Variants in UPK3BL2 observed in about 807,000 individuals in gnomAD.
UPK3BL2 encodes uroplakin-3b-like protein 2.
UPK3BL2 carries 1 observed loss-of-function variant against 11.3 expected under a neutral mutation model. That is an observed-to-expected ratio of 0.09 (90% CI 0.03 to 0.42). The LOEUF (loss-of-function observed/expected upper bound fraction) is 0.42, where lower values mean the gene tolerates loss of function less well. Among genes scored for constraint, UPK3BL2 ranks in the 10% least tolerant of loss-of-function variants. The probability of loss-of-function intolerance (pLI) is 0.98; values close to 1 mark genes in which losing one functional copy is unlikely to be tolerated.
At chr7:102,540,855 C>CAAAAAAAAACAAAAA (rs1800227070) in intron 3 of UPK3BL2, among the ~76,000 whole-genome samples, 1 of 61,246 alleles carries the variant, frequency 1.6e-5, no homozygotes, top group African/African-American at 4.8e-5. Flanking sequence ...AAAAACAAAA[C>CAAAAAAAAACAAAAA]AAAAAAAAAA....
chr7:102,542,331 C>T (rs1800307867), intron 1 of UPK3BL2: 1 of 978,782 alleles, frequency 1.0e-6, no homozygotes, highest in Non-Finnish European at 1.2e-6. Flanking sequence ...CTCTCAGACT[C>T]CCACCTCATC....
In UPK3BL2 at chr7:102,540,859, A is replaced by ACAAAAAAAAAC. The variant is rs1233258450; in HGVS notation, c.485+233_485+234insGTTTTTTTTTG. On this transcript the variant is annotated intron_variant, in intron 3 of 5. Coordinates refer to ENST00000644544, the Ensembl canonical transcript of UPK3BL2. ...ACTCCATCTCAAAAAACAAAACAAA[A>ACAAAAAAAAAC]AAAAAAAAAAAAAAAAAGAAGAAAA... Among the ~76,000 whole-genome samples, 10 of 113,894 alleles carry ACAAAAAAAAAC rather than the reference A, an allele frequency of 8.8e-5. No individual in the cohort carries two copies. In the East Asian group the frequency reaches 1.3e-3, roughly 15 times the overall value. 74.7% of individuals were successfully genotyped at this position (113,894 alleles called of 152,430 possible).
exon 6 of UPK3BL2, chr7:102,538,447 C>T (rs1284631954): frequency 1.9e-5 from 3 of 154,888 alleles, no homozygotes; most frequent in Admixed American, 1.6e-4. Context: ...GAGTGCTGAA[C>T]GCGAGGTGCG....
chr7:102,543,294 CT>C (rs1800350439), intron 1 of UPK3BL2, among the ~76,000 whole-genome samples: 1 of 133,750 alleles, frequency 7.5e-6, no homozygotes, highest in African/African-American at 2.6e-5. Flanking sequence ...AAACAAAAAT[CT>C]TAAAAAAAAA....
chr7:102,540,743 C>G (rs1215959818), intron 3 of UPK3BL2, among the ~76,000 whole-genome samples: 4 of 151,450 alleles, frequency 2.6e-5, no homozygotes, highest in African/African-American at 9.7e-5. Flanking sequence ...ACTCGTTAGG[C>G]TGAGGCTGGA....
At position 102,540,336 on chromosome 7, in the gene UPK3BL2, G is replaced by A. The variant is rs1195677261; in HGVS notation, c.486-245C>T. 4.9e-5 allele frequency among the ~76,000 whole-genome samples: 4 copies of A among 80,982 alleles called. No homozygotes were observed. In the Admixed American group the frequency reaches 5.5e-4, roughly 11 times the overall value. The allele number at this position is 80,982 out of a possible 152,430, so 53.1% of individuals were successfully genotyped here. A position where few individuals can be genotyped will look rare whatever the true frequency, so the allele number is the denominator to read the frequency against. ...TCCTCATTTGGGAAAGGTAGAGGGC[G>A]AGTATTAGATGTCTCAGAACTGAAC... On this transcript the variant is annotated intron_variant, in intron 3 of 5. Transcript: ENST00000644544.
rs1362472704 is a variant in UPK3BL2 at position 102,542,793 on chromosome 7, T to C, written c.112+732A>G. ...GGCGGGCATATCACGAGGTCAGGAG[T>C]TCGAGACCAGACTGGCCAATATGGT... On this transcript the variant is annotated intron_variant, in intron 1 of 5. Coordinates refer to ENST00000644544, the Ensembl canonical transcript of UPK3BL2. 1.4e-5 allele frequency: 5 copies of C among 361,162 alleles called. No individual in the cohort carries two copies. In the East Asian group the frequency reaches 8.6e-4, roughly 62 times the overall value. 22.4% of individuals were successfully genotyped at this position (361,162 alleles called of 1,614,324 possible).
chr7:102,540,855 C>CAAAAAAAAACAAAAAAAAA (rs1800227070), intron 3 of UPK3BL2, among the ~76,000 whole-genome samples: 3 of 61,260 alleles, frequency 4.9e-5, no homozygotes, highest in African/African-American at 1.4e-4. Flanking sequence ...AAAAACAAAA[C>CAAAAAAAAACAAAAAAAAA]AAAAAAAAAA....
At chr7:102,540,872 A>AAT (rs1563689733) in intron 3 of UPK3BL2, among the ~76,000 whole-genome samples, 31 of 130,072 alleles carry the variant, frequency 2.4e-4, no homozygotes, top group African/African-American at 9.1e-4. Flanking sequence ...AAAAAAAAAA[A>AAT]AAAAGAAGAA....
In UPK3BL2 at chr7:102,540,014, C is replaced by T; in HGVS notation, c.562+1G>A. 3.9e-6 allele frequency: 5 copies of T among 1,267,776 alleles called. 2 individuals carry two copies. The highest frequency in any genetic ancestry group is 3.2e-6 in the Non-Finnish European group (3 of 923,140). The allele number at this position is 1,267,776 out of a possible 1,614,324, so 78.5% of individuals were successfully genotyped here. On this transcript the variant is annotated splice_donor_variant, in intron 4 of 5. Transcript: ENST00000644544. LOFTEE classifies it high-confidence loss of function. ...GTTTGACCGGAGCCTCTGGCCCCTA[C>T]CTTGCTGCAGGCGAGTGTCGCTGGA...
rs374079023 is a variant in UPK3BL2, at chr7:102,540,886, GA to G, written c.485+206del. ...AAAAAAAAAAAAAAAAGAAGAAAAG[GA>G]AAAAAAAAAAAAAGAGAAGAAGGAT... On this transcript the variant is annotated intron_variant, in intron 3 of 5. Coordinates refer to ENST00000644544, the Ensembl canonical transcript of UPK3BL2. Among the ~76,000 whole-genome samples the G allele has an allele frequency of 8.9e-3, 652 of 72,972 alleles. 1 individual carries two copies. Among genetic ancestry groups the G allele is most frequent in the African/African-American group, 0.024 (502 of 20,892 alleles). The allele number at this position is 72,972 out of a possible 152,430, so 47.9% of individuals were successfully genotyped here.
downstream of UPK3BL2, chr7:102,537,943 GAT>G (rs1800142564): frequency 5.4e-6 from 1 of 185,376 alleles, no homozygotes. Context: ...ATTTATTTCT[GAT>G]AGAGACTGGC....
At chr7:102,543,177 T>TGC (rs1800345955) in intron 1 of UPK3BL2, among the ~76,000 whole-genome samples, 3 of 147,632 alleles carry the variant, frequency 2.0e-5, no homozygotes, top group African/African-American at 7.3e-5. Context: ...CAGGCTGGAG[T>TGC]GCAGTGGCGC....
At chr7:102,543,058 G>A (rs79479674) in intron 1 of UPK3BL2, among the ~76,000 whole-genome samples, 1,795 of 133,014 alleles carry the variant, frequency 0.013, no homozygotes, top group South Asian at 0.042. Flanking sequence ...AAAGAGAAGC[G>A]GAGCAGTCAG....
chr7:102,542,998 G>GAAAA (rs536228128), intron 1 of UPK3BL2, among the ~76,000 whole-genome samples: 27 of 115,446 alleles, frequency 2.3e-4, no homozygotes, highest in East Asian at 7.2e-4. Flanking sequence ...ACTCTGTCTC[G>GAAAA]AAAAAAAAAA....
At chr7:102,540,872 A>AAAAAAT in intron 3 of UPK3BL2, among the ~76,000 whole-genome samples, 1 of 130,106 alleles carries the variant, frequency 7.7e-6, no homozygotes, top group African/African-American at 2.9e-5. Flanking sequence ...AAAAAAAAAA[A>AAAAAAT]AAAAGAAGAA....
At chr7:102,540,874 A>AG (rs1324735750) in intron 3 of UPK3BL2, among the ~76,000 whole-genome samples, 47 of 119,464 alleles carry the variant, frequency 3.9e-4, no homozygotes, top group Middle Eastern at 4.6e-3. Context: ...AAAAAAAAAA[A>AG]AAGAAGAAAA....
intron 3 of UPK3BL2, among the ~76,000 whole-genome samples, chr7:102,540,870 A>AAAT (rs1800233889): frequency 7.6e-6 from 1 of 131,306 alleles, no homozygotes; most frequent in Non-Finnish European, 1.7e-5. Flanking sequence ...AAAAAAAAAA[A>AAAT]AAAAAAGAAG....
At chr7:102,540,674 T>C (rs1800212899) in intron 3 of UPK3BL2, among the ~76,000 whole-genome samples, 1 of 131,064 alleles carries the variant, frequency 7.6e-6, no homozygotes, top group African/African-American at 2.7e-5. Context: ...CGAAACCCTG[T>C]CTCTACTAAA....
Sources: allele counts gnomAD v4.1 joint callset (sites outside exome capture counted in the v4.1 genomes callset), GRCh38; gene constraint gnomAD v4.1.1; transcripts MANE v1.5; gene names NCBI Gene and HGNC (gene_info 2026-07-23, HGNC 2026-07-21).